Variants in MAP3K1 observed in about 807,000 individuals in gnomAD.
MAP3K1 encodes the protein MAP/ERK kinase kinase 1.
A neutral mutation model predicts 144.2 loss-of-function variants in MAP3K1; 36 were observed. That is an observed-to-expected ratio of 0.25 (90% CI 0.19 to 0.33). The LOEUF (loss-of-function observed/expected upper bound fraction) is 0.33, where lower values mean the gene tolerates loss of function less well. Among genes scored for constraint, MAP3K1 ranks in the 10% least tolerant of loss-of-function variants. The pLI is 1.00. For missense variants in MAP3K1, 1,650 were observed against 1,881.9 expected (o/e 0.88, Z 2.28); for synonymous variants, 718 against 688.7 (o/e 1.04, Z -0.67).
chr5:56,855,360 T>C (rs1327329746), intron 1 of MAP3K1, among the ~76,000 whole-genome samples: 3 of 152,208 alleles, frequency 2.0e-5, no homozygotes, highest in African/African-American at 7.2e-5. Context: ...TGTGTATGTG[T>C]GTGTAAGGAA....
At chr5:56,888,081 A>T (rs772929953) in intron 18 of MAP3K1, 145 bp from the exon 19 acceptor site, 2 of 688,336 alleles carry the variant, frequency 2.9e-6, no homozygotes, top group African/African-American at 3.6e-5. Flanking sequence ...CTCATTAATG[A>T]AATAAATTAG....
intron 19 of MAP3K1, among the ~76,000 whole-genome samples, 153 bp from the exon 20 acceptor site, chr5:56,893,378 A>G (rs572520566): frequency 6.6e-6 from 1 of 152,228 alleles, no homozygotes; most frequent in Non-Finnish European, 1.5e-5. Flanking sequence ...GAATTTTTTC[A>G]TAGACTTTTT....
rs1748693079 is a variant in MAP3K1, at chr5:56,896,035, T to C, written c.*2355T>C. The C allele has an allele frequency of 4.3e-6, 1 of 229,920 alleles. No homozygotes were observed. The highest frequency in any genetic ancestry group is 2.2e-5 in the African/African-American group (1 of 45,220). The allele number at this position is 229,920 out of a possible 1,614,324, so 14.2% of individuals were successfully genotyped here. A position where few individuals can be genotyped will look rare whatever the true frequency, so the allele number is the denominator to read the frequency against. ...AATTTGGCTTAAATGTATCCTTTGT[T>C]ATTTTAAATATATTGAGATATTTTA... On this transcript the variant is annotated 3_prime_UTR_variant, in exon 20 of 20. Transcript: ENST00000399503.
chr5:56,880,984 C>A (rs773891028), intron 12 of MAP3K1, 99 bp from the exon 13 acceptor site: 10 of 1,117,692 alleles, frequency 8.9e-6, no homozygotes, highest in African/African-American at 1.6e-5. Flanking sequence ...TAAAATAGTT[C>A]AGAATATTTT....
At position 56,882,773 on chromosome 5, in the gene MAP3K1, T is replaced by C. The variant is rs776328486; in HGVS notation, c.3573T>C (p.Ile1191=). ...MEAEEEEALA[I]AMAMSASQDA... ...CTGAAGAAGAAGAAGCTTTAGCAATTGCCATGGCAATGTCAGCGTCTCAGG... is the reference window on the plus strand; with the variant it reads ...CTGAAGAAGAAGAAGCTTTAGCAATCGCCATGGCAATGTCAGCGTCTCAGG... Residue 1191 remains isoleucine (I), a synonymous_variant, in exon 14 of 20, where the codon ATT becomes ATC. Coordinates refer to ENST00000399503, the MANE Select transcript of MAP3K1 (RefSeq NM_005921.2). The C allele has an allele frequency of 1.9e-6, 3 of 1,611,850 alleles. No individual in the cohort carries two copies. Among genetic ancestry groups the C allele is most frequent in the Non-Finnish European group, 1.7e-6 (2 of 1,179,080 alleles).
At chr5:56,889,071 A>G (rs1189522825) in intron 19 of MAP3K1, among the ~76,000 whole-genome samples, 1 of 152,244 alleles carries the variant, frequency 6.6e-6, no homozygotes, top group East Asian at 1.9e-4. Context: ...GTATGTGTGT[A>G]TATATATCCA....
chr5:56,872,417 T>C (rs1360053035), intron 7 of MAP3K1, among the ~76,000 whole-genome samples: 1 of 152,168 alleles, frequency 6.6e-6, no homozygotes, highest in Non-Finnish European at 1.5e-5. Context: ...GGGCAGAATG[T>C]TTTGAAAAAT....
rs116280890 is a variant in MAP3K1 at position 56,823,649 on chromosome 5, A to G, written c.482+7594A>G. The stretch of plus-strand genomic sequence containing the variant: ...TGTTTAGTCAGACGTAGTTTAGGAC[A>G]TAGCTGAAAAGGTGTTAAATGGCAA... On this transcript the variant is annotated intron_variant, in intron 1 of 19. Coordinates refer to ENST00000399503, the MANE Select transcript of MAP3K1 (RefSeq NM_005921.2). 1.7e-3 allele frequency among the ~76,000 whole-genome samples: 255 copies of G among 152,332 alleles called. 1 individual carries two copies. The highest frequency in any genetic ancestry group is 5.9e-3 in the African/African-American group (247 of 41,572).
chr5:56,817,036 C>T (rs552055369), intron 1 of MAP3K1: 2 of 985,174 alleles, frequency 2.0e-6, no homozygotes, highest in Non-Finnish European at 2.4e-6. Flanking sequence ...GCGGGCCGCC[C>T]GCTGAATTCC....
intron 1 of MAP3K1, among the ~76,000 whole-genome samples, chr5:56,835,138 G>C (rs1485897663): frequency 6.6e-6 from 1 of 152,186 alleles, no homozygotes; most frequent in Non-Finnish European, 1.5e-5. Context: ...TTAATTCCTT[G>C]ATGGGCAGGC....
At chr5:56,821,924 T>G (rs573784313) in intron 1 of MAP3K1, among the ~76,000 whole-genome samples, 30 of 152,240 alleles carry the variant, frequency 2.0e-4, no homozygotes, top group Non-Finnish European at 4.1e-4. Flanking sequence ...ATCTGAAGAT[T>G]AACTTACTGT....
intron 19 of MAP3K1, among the ~76,000 whole-genome samples, chr5:56,891,037 G>C (rs752904881): frequency 1.3e-5 from 2 of 151,998 alleles, no homozygotes; most frequent in Non-Finnish European, 2.9e-5. Flanking sequence ...CAGTGAGAGC[G>C]AGACCCTGTC....
At chr5:56,856,841 T>C in intron 2 of MAP3K1, 91 bp downstream of exon 2, 2 of 1,364,408 alleles carry the variant, frequency 1.5e-6, no homozygotes, top group Non-Finnish European at 2.1e-6. Flanking sequence ...AAGCTTTTCT[T>C]CTTCATTTTA....
chr5:56,894,913 C>T lies in MAP3K1; in HGVS notation c.*1233C>T, dbSNP rs150446093. The T allele has an allele frequency of 1.3e-4, 29 of 231,886 alleles. No homozygotes were observed. Among genetic ancestry groups the T allele is most frequent in the South Asian group, 7.2e-4 (4 of 5,518 alleles). 14.4% of individuals were successfully genotyped at this position (231,886 alleles called of 1,614,324 possible). ...CCTTGGATTTTGCACAGTTACCTAA[C>T]GGTTTTAGTCTGGAGTTAAATTCAG... is the stretch of plus-strand genomic sequence containing the variant. On this transcript the variant is annotated 3_prime_UTR_variant, in exon 20 of 20. Coordinates refer to ENST00000399503, the MANE Select transcript of MAP3K1 (RefSeq NM_005921.2).
chr5:56,864,565 G>T (rs1309221109), intron 3 of MAP3K1, among the ~76,000 whole-genome samples, 169 bp from the exon 4 acceptor site: 1 of 151,872 alleles, frequency 6.6e-6, no homozygotes, highest in African/African-American at 2.4e-5. Context: ...TAGTAGAGAT[G>T]GGTTTCACCA....
intron 1 of MAP3K1, among the ~76,000 whole-genome samples, chr5:56,816,857 GAGTTTGAATTTGGCCTTTGA>G (rs893047323): frequency 6.6e-6 from 1 of 152,242 alleles, no homozygotes; most frequent in Non-Finnish European, 1.5e-5. Flanking sequence ...CTTCTGTTTG[GAGTTTGAATTTGGCCTTTGA>G]AGTTTGCATT....
intron 1 of MAP3K1, among the ~76,000 whole-genome samples, chr5:56,841,752 T>C (rs979750848): frequency 1.3e-5 from 2 of 152,224 alleles, no homozygotes; most frequent in Non-Finnish European, 2.9e-5. Flanking sequence ...TGTAGTCTGA[T>C]GTGATTTCAT....
At chr5:56,860,377 C>A (rs540320238) in intron 3 of MAP3K1, among the ~76,000 whole-genome samples, 1 of 152,316 alleles carries the variant, frequency 6.6e-6, no homozygotes, top group African/African-American at 2.4e-5. Flanking sequence ...AGCACTTCTA[C>A]ATACCAAAAT....
At chr5:56,889,556 C>G (rs1280616515) in intron 19 of MAP3K1, among the ~76,000 whole-genome samples, 2 of 152,158 alleles carry the variant, frequency 1.3e-5, no homozygotes, top group Non-Finnish European at 2.9e-5. Context: ...AATCCATTCT[C>G]TCCTTTTCCA....
Sources: allele counts gnomAD v4.1 joint callset (sites outside exome capture counted in the v4.1 genomes callset), GRCh38; gene constraint gnomAD v4.1.1; transcripts MANE v1.5; gene names NCBI Gene and HGNC (gene_info 2026-07-23, HGNC 2026-07-21).